The following SDK1 variants were observed in gnomAD, a reference collection of about 807,000 sequenced individuals.
SDK1 encodes sidekick cell adhesion molecule 1.
A neutral mutation model predicts 245.5 loss-of-function variants in SDK1; 157 were observed. The ratio of observed to expected loss-of-function variants is 0.64; its 90% confidence interval spans 0.56 to 0.73. The LOEUF (loss-of-function observed/expected upper bound fraction) is 0.73. Among genes scored for constraint, SDK1 ranks in the 30% least tolerant of loss-of-function variants. The probability of loss-of-function intolerance (pLI) is 0.00; values close to 1 mark genes in which losing one functional copy is unlikely to be tolerated. For synonymous variants in SDK1, 1,647 were observed against 1,278.5 expected, an observed-to-expected ratio of 1.29 and a Z score of -6.15; for missense variants, 3,583 against 3,002.3, an observed-to-expected ratio of 1.19 and a Z score of -4.52.
chr7:3,515,223 C>G (rs934852596), intron 1 of SDK1, among the ~76,000 whole-genome samples: 1 of 152,010 alleles, frequency 6.6e-6, no homozygotes, highest in Non-Finnish European at 1.5e-5. Context: ...GACTCTGAGC[C>G]CATTGTGACC....
chr7:3,958,790 C>G lies in SDK1; in HGVS notation c.1151-141C>G, dbSNP rs1188440332. The G allele has an allele frequency of 1.4e-5, 10 of 710,904 alleles. No individual in the cohort carries two copies. The East Asian group carries it at 2.5e-4, about 18-fold the overall frequency. The allele number at this position is 710,904 out of a possible 1,614,324, so 44.0% of individuals were successfully genotyped here. ...GCCTTTGGCCTGTGCTCACTGAGTT[C>G]TGAGTTTGTATGCACGATGCTAACT... On this transcript the variant is annotated intron_variant, in intron 7 of 44. Transcript: ENST00000404826.
chr7:3,978,793 G>C (rs1287794764), intron 13 of SDK1, among the ~76,000 whole-genome samples: 1 of 152,194 alleles, frequency 6.6e-6, no homozygotes, highest in Non-Finnish European at 1.5e-5. Flanking sequence ...GGAAGGGACT[G>C]AGAGGTGCTT....
rs557749886 is a variant in SDK1 at position 3,611,426 on chromosome 7, G to A, written c.299-7654G>A. Reference sequence around the variant, plus strand: ...ATTTAATAACCAAACGACTTACTTGGGTGGTGACAAAAAGGGCAGCCTGAA... The same window carrying A: ...ATTTAATAACCAAACGACTTACTTGAGTGGTGACAAAAAGGGCAGCCTGAA... On this transcript the variant is annotated intron_variant, in intron 1 of 44. Coordinates refer to ENST00000404826, the MANE Select transcript of SDK1 (RefSeq NM_152744.4). Among the ~76,000 whole-genome samples, 6 of 152,238 alleles carry A rather than the reference G, an allele frequency of 3.9e-5. No homozygotes were observed. In the South Asian group the frequency reaches 1.2e-3, roughly 32 times the overall value.
At chr7:3,857,764 TAGAAGATA>T (rs1780582846) in intron 5 of SDK1, among the ~76,000 whole-genome samples, 1 of 151,918 alleles carries the variant, frequency 6.6e-6, no homozygotes, top group Admixed American at 6.6e-5. Flanking sequence ...GGTGGCTAGA[TAGAAGATA>T]GATATGGAAA....
At chr7:3,679,516 G>T (rs1314286153) in intron 4 of SDK1, among the ~76,000 whole-genome samples, 1 of 151,884 alleles carries the variant, frequency 6.6e-6, no homozygotes, top group South Asian at 2.1e-4. Flanking sequence ...GCAGTGAGCC[G>T]AGATCGTGCC....
intron 35 of SDK1, among the ~76,000 whole-genome samples, chr7:4,197,101 A>T (rs1026566301): frequency 2.0e-5 from 3 of 152,148 alleles, no homozygotes; most frequent in African/African-American, 4.8e-5. Flanking sequence ...CTCCTCTCCC[A>T]CCTGGGGTTA....
At chr7:3,993,146 A>T (rs776307368) in intron 14 of SDK1, among the ~76,000 whole-genome samples, 1 of 152,134 alleles carries the variant, frequency 6.6e-6, no homozygotes, top group South Asian at 2.1e-4. Flanking sequence ...GTGAGTCGGC[A>T]TTGCACAGTG....
intron 1 of SDK1, among the ~76,000 whole-genome samples, chr7:3,382,238 T>TG (rs1370593880): frequency 6.6e-6 from 1 of 152,152 alleles, no homozygotes; most frequent in Non-Finnish European, 1.5e-5. Flanking sequence ...CCCAAAGTGC[T>TG]GGGATTACAG....
Position 3,830,210 on chromosome 7 carries a change from A to G in SDK1, c.847+8627A>G, listed in dbSNP as rs527596452. ...CTTGGAGAATTAATTCACCAAGCAG[A>G]ACTGACCAGTTGGGTTCAGCAGACG... On this transcript the variant is annotated intron_variant, in intron 5 of 44. Transcript: ENST00000404826. 2.0e-5 allele frequency among the ~76,000 whole-genome samples: 3 copies of G among 152,242 alleles called. No homozygotes were observed. The South Asian group carries it at 6.2e-4, about 32-fold the overall frequency.
intron 35 of SDK1, among the ~76,000 whole-genome samples, chr7:4,194,362 GTA>G (rs1783441321): frequency 2.1e-5 from 2 of 96,388 alleles, no homozygotes; most frequent in South Asian, 3.8e-4. Flanking sequence ...ATGTATGCAC[GTA>G]TGTGTATACA....
At chr7:3,613,713 A>G (rs779288386) in intron 1 of SDK1, among the ~76,000 whole-genome samples, 1 of 152,198 alleles carries the variant, frequency 6.6e-6, no homozygotes, top group Non-Finnish European at 1.5e-5. Context: ...TAGCAATGAC[A>G]TGGAATCAAC....
intron 13 of SDK1, among the ~76,000 whole-genome samples, chr7:3,975,768 C>T (rs1782876122): frequency 6.6e-6 from 1 of 152,238 alleles, no homozygotes; most frequent in Admixed American, 6.5e-5. Context: ...TGTCTCCTTC[C>T]AGGATGACCC....
At chr7:4,064,170 A>T (rs1247541489) in intron 19 of SDK1, among the ~76,000 whole-genome samples, 1 of 152,216 alleles carries the variant, frequency 6.6e-6, no homozygotes, top group Non-Finnish European at 1.5e-5. Flanking sequence ...AAATATTTGC[A>T]AACTATTCAT....
At chr7:3,948,185 CTTG>C (rs1342845068) in intron 5 of SDK1, among the ~76,000 whole-genome samples, 1 of 149,778 alleles carries the variant, frequency 6.7e-6, no homozygotes, top group African/African-American at 2.5e-5. Context: ...TAACCTTGAC[CTTG>C]TTGTGGTGGT....
At chr7:4,245,835 G>T in intron 44 of SDK1, 30 bp downstream of exon 44, 2 of 1,612,768 alleles carry the variant, frequency 1.2e-6, no homozygotes, top group South Asian at 2.2e-5. Flanking sequence ...TCCGGGCAGT[G>T]ACCATCAGCC....
At chr7:3,392,316 C>A (rs1479857147) in intron 1 of SDK1, among the ~76,000 whole-genome samples, 4 of 151,930 alleles carry the variant, frequency 2.6e-5, no homozygotes, top group Admixed American at 2.6e-4. Flanking sequence ...GTATTTAATT[C>A]ATGTCATTCG....
At chr7:3,783,052 A>T (rs1780793586) in intron 4 of SDK1, among the ~76,000 whole-genome samples, 1 of 152,232 alleles carries the variant, frequency 6.6e-6, no homozygotes, top group South Asian at 2.1e-4. Context: ...TCTTCGATAC[A>T]AGGATGGTTC....
At chr7:3,729,238 G>A (rs967288748) in intron 4 of SDK1, among the ~76,000 whole-genome samples, 2 of 152,144 alleles carry the variant, frequency 1.3e-5, no homozygotes, top group Non-Finnish European at 2.9e-5. Flanking sequence ...ATTTGCAGGC[G>A]GAGTTAGCAT....
chr7:3,373,855 A>G (rs1781289089), intron 1 of SDK1, among the ~76,000 whole-genome samples: 1 of 152,178 alleles, frequency 6.6e-6, no homozygotes, highest in South Asian at 2.1e-4. Context: ...ATCAACAACA[A>G]AGAAGACCTC....
Sources: gnomAD v4.1 joint callset for allele counts (sites outside exome capture counted in the v4.1 genomes callset) on GRCh38, gnomAD v4.1.1 for gene constraint, MANE v1.5 for transcripts, NCBI Gene and HGNC (gene_info 2026-07-23, HGNC 2026-07-21) for gene names.